The following TET1 variants were observed in gnomAD, a reference collection of about 807,000 sequenced individuals.
TET1 encodes the protein tet methylcytosine dioxygenase 1, also known as methylcytosine dioxygenase TET1.
Under a neutral mutation model 148.7 loss-of-function variants are expected in TET1, and 13 were observed. The observed-to-expected ratio is 0.09, with a 90% CI of 0.06 to 0.14. TET1 has a LOEUF of 0.14. TET1 is among the 10% of genes least tolerant of loss of function. TET1 has a pLI of 1.00. For synonymous variants in TET1, 907 were observed against 937.2 expected, an observed-to-expected ratio of 0.97 and a Z score of 0.59; for missense variants, 2,182 against 2,553.8, an observed-to-expected ratio of 0.85 and a Z score of 3.14.
chr10:68,603,470 TA>T (rs1385982234), intron 3 of TET1, among the ~76,000 whole-genome samples: 3 of 151,594 alleles, frequency 2.0e-5, no homozygotes, highest in African/African-American at 7.3e-5. Flanking sequence ...CCTCTCCTCT[TA>T]AAAACATACC....
intron 6 of TET1, among the ~76,000 whole-genome samples, chr10:68,659,732 G>A (rs2055078761): frequency 6.6e-6 from 1 of 152,066 alleles, no homozygotes; most frequent in Non-Finnish European, 1.5e-5. Context: ...CATTTTTTAA[G>A]GAAATTTTAA....
At chr10:68,652,870 T>C (rs1012545916) in intron 6 of TET1, among the ~76,000 whole-genome samples, 4 of 137,896 alleles carry the variant, frequency 2.9e-5, no homozygotes, top group Admixed American at 7.3e-5. Context: ...TTTTTTTTTT[T>C]AGTGGAGAGC....
intron 3 of TET1, chr10:68,632,346 CG>C: frequency 6.4e-7 from 1 of 1,573,984 alleles, no homozygotes; most frequent in Non-Finnish European, 8.7e-7. Context: ...GGGTGCAGGG[CG>C]GGTGGAGTCG....
intron 2 of TET1, among the ~76,000 whole-genome samples, chr10:68,575,281 G>A (rs1170802129): frequency 6.6e-6 from 1 of 152,088 alleles, no homozygotes; most frequent in Non-Finnish European, 1.5e-5. Flanking sequence ...CTACTCTGGA[G>A]GCTGAGGCAG....
chr10:68,659,381 AC>A (rs1167526491), intron 6 of TET1, among the ~76,000 whole-genome samples: 1 of 152,064 alleles, frequency 6.6e-6, no homozygotes, highest in Non-Finnish European at 1.5e-5. Flanking sequence ...AGGGTGGAGT[AC>A]AGTAGTGTGA....
chr10:68,569,779 A>T (rs187607643), intron 1 of TET1, among the ~76,000 whole-genome samples: 3 of 152,162 alleles, frequency 2.0e-5, no homozygotes, highest in East Asian at 1.9e-4. Flanking sequence ...TGTTTCAAAA[A>T]AATAATAATA....
At chr10:68,631,433 CTTTTTTTTTTT>C (rs546257824) in intron 3 of TET1, among the ~76,000 whole-genome samples, 4 of 110,588 alleles carry the variant, frequency 3.6e-5, no homozygotes, top group Non-Finnish European at 7.1e-5. Flanking sequence ...TTTCTTTCTT[CTTTTTTTTTTT>C]TTTTTTTTTT....
chr10:68,577,066 G>T (rs561875063), intron 2 of TET1, among the ~76,000 whole-genome samples: 1 of 152,186 alleles, frequency 6.6e-6, no homozygotes, highest in South Asian at 2.1e-4. Context: ...CCGCCACCGC[G>T]CCCGGCTAAT....
chr10:68,597,915 A>G (rs1284477441), intron 2 of TET1, among the ~76,000 whole-genome samples: 1 of 152,220 alleles, frequency 6.6e-6, no homozygotes, highest in Admixed American at 6.5e-5. Flanking sequence ...AGAGTAGTCC[A>G]TTTCATAGAC....
intron 7 of TET1, among the ~76,000 whole-genome samples, chr10:68,671,128 G>A (rs1027507): frequency 0.18 from 26,620 of 151,936 alleles, 2,830 homozygotes; most frequent in African/African-American, 0.29. Context: ...GGTTTGTTGT[G>A]CAGATTATTT....
chr10:68,666,940 G>C, intron 6 of TET1, 105 bp from the exon 7 acceptor site: 2 of 1,033,854 alleles, frequency 1.9e-6, no homozygotes, highest in Admixed American at 5.5e-5. Flanking sequence ...TATAAATTAA[G>C]TAAATAAACT....
intron 6 of TET1, among the ~76,000 whole-genome samples, chr10:68,656,916 C>T (rs543986702): frequency 1.8e-4 from 27 of 151,980 alleles, no homozygotes; most frequent in African/African-American, 6.0e-4. Context: ...GTCCCAGCTA[C>T]TCAGGAGGCT....
chr10:68,662,035 C>T (rs755141147), intron 6 of TET1, among the ~76,000 whole-genome samples: 4 of 151,990 alleles, frequency 2.6e-5, no homozygotes, highest in Non-Finnish European at 2.9e-5. Flanking sequence ...CCACCACACT[C>T]GTCTAACTTT....
At chr10:68,597,335 A>G (rs1188120328) in intron 2 of TET1, among the ~76,000 whole-genome samples, 2 of 152,100 alleles carry the variant, frequency 1.3e-5, no homozygotes, top group African/African-American at 2.4e-5. Context: ...CGCCCGGCTG[A>G]TCGACTTAAA....
intron 3 of TET1, among the ~76,000 whole-genome samples, chr10:68,615,939 G>A (rs916199615): frequency 4.6e-5 from 7 of 152,158 alleles, no homozygotes; most frequent in South Asian, 2.1e-4. Flanking sequence ...AAGCCACCAC[G>A]TCCGGCCTAA....
chr10:68,634,988 T>A (rs757799704), intron 3 of TET1, among the ~76,000 whole-genome samples: 36 of 151,694 alleles, frequency 2.4e-4, no homozygotes, highest in Non-Finnish European at 4.4e-4. Context: ...AGAGACTGGG[T>A]TTCACCATGT....
In TET1 at chr10:68,624,602, C is replaced by CTCTTTCTTTCTTTCTT. The variant is rs771481993; in HGVS notation, c.1969-20052_1969-20037dup. 2.3e-4 allele frequency among the ~76,000 whole-genome samples: 26 copies of CTCTTTCTTTCTTTCTT among 113,942 alleles called. 2 individuals carry two copies. The highest frequency in any genetic ancestry group is 4.9e-4 in the African/African-American group (15 of 30,348). 74.8% of individuals were successfully genotyped at this position (113,942 alleles called of 152,430 possible). ...CCGTGCCTGGCCTTATTTTCTTTTTCTCTTTCTTTCTTTCTTTCTTTCTTT... is the reference window on the plus strand; with the variant it reads ...CCGTGCCTGGCCTTATTTTCTTTTTCTCTTTCTTTCTTTCTTTCTTTCTTTCTTTCTTTCTTTCTTT... On this transcript the variant is annotated intron_variant, in intron 3 of 11. Transcript: ENST00000373644.
chr10:68,657,831 A>C (rs1393150626), intron 6 of TET1, among the ~76,000 whole-genome samples: 1 of 152,144 alleles, frequency 6.6e-6, no homozygotes, highest in Non-Finnish European at 1.5e-5. Context: ...TCCATGAAGG[A>C]AGGTGGGAAA....
At chr10:68,649,718 C>T (rs2054904226) in intron 4 of TET1, among the ~76,000 whole-genome samples, 2 of 152,030 alleles carry the variant, frequency 1.3e-5, no homozygotes, top group South Asian at 4.1e-4. Flanking sequence ...CTGAGCTAGA[C>T]TACTTTTTCT....
Sources: gnomAD v4.1 joint callset for allele counts (sites outside exome capture counted in the v4.1 genomes callset) on GRCh38, gnomAD v4.1.1 for gene constraint, MANE v1.5 for transcripts, NCBI Gene and HGNC (gene_info 2026-07-23, HGNC 2026-07-21) for gene names.